Variants in SLAIN2 observed in about 807,000 individuals in gnomAD.
SLAIN2 encodes the protein SLAIN family member 2.
Under a neutral mutation model 56.6 loss-of-function variants are expected in SLAIN2, and 31 were observed. That is an observed-to-expected ratio of 0.55 (90% CI 0.41 to 0.74). The LOEUF (loss-of-function observed/expected upper bound fraction) is 0.74, where lower values mean the gene tolerates loss of function less well. Ranked by LOEUF, SLAIN2 falls within the 30% of genes least tolerant of loss-of-function variation. The pLI, the probability that SLAIN2 is intolerant of heterozygous loss-of-function variation, is 0.00. For missense variants in SLAIN2, 777 were observed against 754.2 expected, an observed-to-expected ratio of 1.03 and a Z score of -0.35; for synonymous variants, 317 against 284.9, an observed-to-expected ratio of 1.11 and a Z score of -1.13.
At chr4:48,344,243 A>G (rs1714802427) in intron 1 of SLAIN2, among the ~76,000 whole-genome samples, 3 of 152,206 alleles carry the variant, frequency 2.0e-5, no homozygotes. Flanking sequence ...TTGAATATAA[A>G]TCATATTTAA....
intron 1 of SLAIN2, among the ~76,000 whole-genome samples, chr4:48,347,321 C>A (rs1035571190): frequency 1.8e-4 from 27 of 150,600 alleles, no homozygotes; most frequent in Admixed American, 1.2e-3. Context: ...TTCAGTACCA[C>A]CCCCCCTCCC....
At chr4:48,344,721 T>A (rs187053669) in intron 1 of SLAIN2, among the ~76,000 whole-genome samples, 1 of 152,104 alleles carries the variant, frequency 6.6e-6, no homozygotes, top group African/African-American at 2.4e-5. Context: ...AGCTTCATGA[T>A]AAGAAATACA....
intron 6 of SLAIN2, among the ~76,000 whole-genome samples, chr4:48,406,460 T>G (rs182074084): frequency 6.6e-6 from 1 of 152,146 alleles, no homozygotes; most frequent in Admixed American, 6.5e-5. Flanking sequence ...TGGAATAACA[T>G]TAGCGTAACA....
At chr4:48,414,548 G>A (rs1406770069) in intron 6 of SLAIN2, among the ~76,000 whole-genome samples, 1 of 101,440 alleles carries the variant, frequency 9.9e-6, no homozygotes, top group Non-Finnish European at 2.2e-5. Context: ...AATTGGTGTG[G>A]TATTTTTTTT....
intron 1 of SLAIN2, among the ~76,000 whole-genome samples, chr4:48,344,883 A>G (rs1442632939): frequency 6.6e-6 from 1 of 152,188 alleles, no homozygotes; most frequent in African/African-American, 2.4e-5. Context: ...TCCCCAGCTA[A>G]GCTGATTTTG....
At chr4:48,382,472 C>G (rs1044215673) in intron 4 of SLAIN2, 96 bp from the exon 5 acceptor site, 2 of 1,283,308 alleles carry the variant, frequency 1.6e-6, no homozygotes, top group African/African-American at 1.5e-5. Flanking sequence ...TTTACACCCT[C>G]TTTGAATTTT....
At chr4:48,347,978 A>C (rs143827127) in intron 1 of SLAIN2, among the ~76,000 whole-genome samples, 1 of 152,374 alleles carries the variant, frequency 6.6e-6, no homozygotes, top group East Asian at 1.9e-4. Flanking sequence ...CTAAACCCAA[A>C]GTCGCATAGC....
At chr4:48,352,302 C>T (rs965900417) in intron 1 of SLAIN2, among the ~76,000 whole-genome samples, 1 of 152,160 alleles carries the variant, frequency 6.6e-6, no homozygotes, top group Non-Finnish European at 1.5e-5. Context: ...GATACTCTTT[C>T]CATTTCATAC....
At chr4:48,391,266 TGAAAG>T (rs1473636616) in intron 6 of SLAIN2, among the ~76,000 whole-genome samples, 2 of 152,174 alleles carry the variant, frequency 1.3e-5, no homozygotes, top group Admixed American at 6.5e-5. Flanking sequence ...AACTTTCTCT[TGAAAG>T]GAACATGTGT....
Position 48,382,799 on chromosome 4 carries a change from G to C in SLAIN2, c.1094G>C (p.Arg365Pro), listed in dbSNP as rs750212863. ...TCACCCAGAAATTCACCTCGTTCACGATCTCCTGCTCGGGGAATAGAATAT... is the reference window on the plus strand; with the variant it reads ...TCACCCAGAAATTCACCTCGTTCACCATCTCCTGCTCGGGGAATAGAATAT... ...KQSPRNSPRSRSPARGIEYSR... is the reference protein window; with the variant it reads ...KQSPRNSPRSPSPARGIEYSR... Residue 365 changes from arginine to proline, a missense_variant, in exon 5 of 8, where the codon CGA becomes CCA. By Grantham distance (103) the Arg-to-Pro change is moderately radical. Coordinates refer to ENST00000264313, the MANE Select transcript of SLAIN2 (RefSeq NM_020846.2). 1.9e-6 allele frequency: 3 copies of C among 1,613,714 alleles called. No individual in the cohort carries two copies. The highest frequency in any genetic ancestry group is 1.7e-6 in the Non-Finnish European group (2 of 1,179,848).
At chr4:48,372,661 A>C (rs372584418) in intron 2 of SLAIN2, among the ~76,000 whole-genome samples, 31 of 152,330 alleles carry the variant, frequency 2.0e-4, no homozygotes, top group African/African-American at 6.7e-4. Context: ...GGAGGATATT[A>C]GGAGTGTGTA....
At chr4:48,402,203 T>A (rs925249479) in intron 6 of SLAIN2, among the ~76,000 whole-genome samples, 22 of 151,434 alleles carry the variant, frequency 1.5e-4, no homozygotes, top group African/African-American at 5.1e-4. Context: ...GCCCTTAATT[T>A]TTTTTTTTTT....
At chr4:48,372,886 TG>T (rs896609856) in intron 2 of SLAIN2, among the ~76,000 whole-genome samples, 3 of 152,140 alleles carry the variant, frequency 2.0e-5, no homozygotes, top group East Asian at 1.9e-4. Flanking sequence ...CCAAGGAGAT[TG>T]TTTTTTTTTT....
chr4:48,350,171 C>T (rs1292284206), intron 1 of SLAIN2, among the ~76,000 whole-genome samples: 3 of 152,048 alleles, frequency 2.0e-5, no homozygotes, highest in Admixed American at 1.3e-4. Context: ...TAAGGAACAC[C>T]AAAGTTGTAT....
intron 6 of SLAIN2, among the ~76,000 whole-genome samples, chr4:48,414,550 A>ATTTTTTTTTTTTTTTTTTTTTTTTTTT: frequency 7.3e-6 from 1 of 136,952 alleles, no homozygotes; most frequent in Admixed American, 7.3e-5. Context: ...TTGGTGTGGT[A>ATTTTTTTTTTTTTTTTTTTTTTTTTTT]TTTTTTTTTT....
rs758722857 is a variant in SLAIN2, at chr4:48,377,948, C to T, written c.591C>T (p.Thr197=). Residue 197 remains threonine, a synonymous_variant, in exon 3 of 8, where the codon ACC becomes ACT. Coordinates refer to ENST00000264313, the MANE Select transcript of SLAIN2 (RefSeq NM_020846.2). ...ATCCTTTCAACTCTATGAGTTACAC[C>T]AGTCCTTACAGTCCAAATGCCAGTA... ...YNNPFNSMSY[T]SPYSPNASSP... is the part of the protein sequence containing the mutation. The T allele has an allele frequency of 1.2e-6, 2 of 1,613,784 alleles. No homozygotes were observed. Among genetic ancestry groups the T allele is most frequent in the African/African-American group, 1.3e-5 (1 of 74,912 alleles).
At chr4:48,359,298 T>G (rs1015209660) in intron 1 of SLAIN2, among the ~76,000 whole-genome samples, 2 of 152,174 alleles carry the variant, frequency 1.3e-5, no homozygotes, top group Non-Finnish European at 2.9e-5. Flanking sequence ...GGGGGATGAT[T>G]TAGGGGTAGT....
At chr4:48,390,278 C>A (rs1297495813) in intron 6 of SLAIN2, among the ~76,000 whole-genome samples, 1 of 151,840 alleles carries the variant, frequency 6.6e-6, no homozygotes, top group African/African-American at 2.4e-5. Flanking sequence ...GGAGTTTCAC[C>A]ATGTTGGCTA....
At chr4:48,372,766 T>C (rs1299074817) in intron 2 of SLAIN2, among the ~76,000 whole-genome samples, 1 of 152,196 alleles carries the variant, frequency 6.6e-6, no homozygotes, top group South Asian at 2.1e-4. Flanking sequence ...CATAGAACAA[T>C]AGCTACAGCT....
Sources: allele counts gnomAD v4.1 joint callset (sites outside exome capture counted in the v4.1 genomes callset), GRCh38; gene constraint gnomAD v4.1.1; transcripts MANE v1.5; gene names NCBI Gene and HGNC (gene_info 2026-07-23, HGNC 2026-07-21).